MYO1E: variants seen among roughly 807,000 people sequenced by gnomAD.
The protein encoded by MYO1E is myosin IE.
In MYO1E, 68 loss-of-function variants were observed where a neutral mutation model predicts 151.1. That is an observed-to-expected ratio of 0.45 (90% CI 0.37 to 0.55). The LOEUF (loss-of-function observed/expected upper bound fraction) is 0.55, where lower values mean the gene tolerates loss of function less well. Among genes scored for constraint, MYO1E ranks in the 20% least tolerant of loss-of-function variants. The pLI is 0.00. For missense variants in MYO1E, 1,363 were observed against 1,389.3 expected (o/e 0.98, Z 0.30); for synonymous variants, 601 against 501.7 (o/e 1.20, Z -2.64).
intron 1 of MYO1E, among the ~76,000 whole-genome samples, chr15:59,289,580 T>C (rs184961110): frequency 2.0e-4 from 30 of 152,316 alleles, no homozygotes; most frequent in African/African-American, 6.3e-4. Flanking sequence ...TGTCTGCTTA[T>C]GGGAAGAAAG....
chr15:59,212,238 G>A (rs1344881722), intron 12 of MYO1E, among the ~76,000 whole-genome samples: 13 of 152,108 alleles, frequency 8.5e-5, no homozygotes. Context: ...GACTACTGCA[G>A]GAGACTGGGC....
Position 59,207,299 on chromosome 15 carries a change from T to C in MYO1E, c.1530+1382A>G, listed in dbSNP as rs749680261. 6.2e-6 allele frequency: 10 copies of C among 1,614,158 alleles called. No individual in the cohort carries two copies. In the East Asian group the frequency reaches 2.2e-4, roughly 36 times the overall value. On this transcript the variant is annotated intron_variant, in intron 14 of 27. Transcript: ENST00000288235. ...ATGGATCTTCAACATGGCAGCCCTTTCACGAAAATGCCAAATATTGTTTGT... is the reference window on the plus strand; with the variant it reads ...ATGGATCTTCAACATGGCAGCCCTTCCACGAAAATGCCAAATATTGTTTGT...
intron 1 of MYO1E, among the ~76,000 whole-genome samples, chr15:59,282,354 C>T (rs2080357649): frequency 6.6e-6 from 1 of 152,200 alleles, no homozygotes; most frequent in Non-Finnish European, 1.5e-5. Context: ...CTCCCAGCCA[C>T]AGGTGGGACA....
intron 1 of MYO1E, among the ~76,000 whole-genome samples, chr15:59,316,999 T>C (rs774717271): frequency 7.2e-5 from 11 of 152,186 alleles, no homozygotes; most frequent in Non-Finnish European, 1.6e-4. Context: ...AGGAATAATC[T>C]AGAGTATTAA....
At chr15:59,158,149 T>C (rs1403700435) in intron 25 of MYO1E, 138 bp downstream of exon 25, 30 of 788,350 alleles carry the variant, frequency 3.8e-5, no homozygotes, top group Non-Finnish European at 3.3e-5. Flanking sequence ...GCTGCTGTGT[T>C]GTACATGTGG....
rs531840297 is a variant in MYO1E, at chr15:59,220,643, T to C, written c.910+2416A>G. The stretch of plus-strand genomic sequence containing the variant: ...CACTTCCCTCTACAAATTTATTCCA[T>C]AGATATACTAAAATATGAGAAAGAT... On this transcript the variant is annotated intron_variant, in intron 9 of 27. Transcript: ENST00000288235. Among the ~76,000 whole-genome samples, 12 of 152,166 alleles carry C rather than the reference T, an allele frequency of 7.9e-5. 1 individual carries two copies. The East Asian group carries it at 2.3e-3, about 29-fold the overall frequency.
At chr15:59,300,594 C>A (rs764737819) in intron 1 of MYO1E, among the ~76,000 whole-genome samples, 2 of 152,134 alleles carry the variant, frequency 1.3e-5, no homozygotes, top group African/African-American at 4.8e-5. Context: ...TGGAAGTGGG[C>A]CACATGTTGT....
At chr15:59,158,170 G>T in intron 25 of MYO1E, 117 bp downstream of exon 25, 1 of 918,496 alleles carries the variant, frequency 1.1e-6, no homozygotes, top group African/African-American at 1.6e-5. Context: ...CACTGAAATG[G>T]TCCATGCCTG....
chr15:59,315,372 G>A (rs546499287), intron 1 of MYO1E, among the ~76,000 whole-genome samples: 1 of 152,158 alleles, frequency 6.6e-6, no homozygotes, highest in South Asian at 2.1e-4. Context: ...ACTGGAAGGG[G>A]TCTTACGAAA....
chr15:59,261,559 T>C, intron 2 of MYO1E, 50 bp from the exon 3 acceptor site: 1 of 1,240,618 alleles, frequency 8.1e-7, no homozygotes, highest in Non-Finnish European at 1.2e-6. Flanking sequence ...AGCTACACAT[T>C]TTTCAAATTA....
At chr15:59,191,371 A>AGAGAGG (rs1410185081) in intron 17 of MYO1E, among the ~76,000 whole-genome samples, 2 of 135,822 alleles carry the variant, frequency 1.5e-5, no homozygotes, top group Non-Finnish European at 3.3e-5. Context: ...AGAGAGAGAA[A>AGAGAGG]GAAATGTCAT....
chr15:59,278,157 G>A (rs866157753), intron 1 of MYO1E, among the ~76,000 whole-genome samples: 2 of 152,214 alleles, frequency 1.3e-5, no homozygotes. Flanking sequence ...ATTGGAAGAC[G>A]CTGTGTGGAC....
Position 59,137,196 on chromosome 15 carries a change from T to C in MYO1E, c.*184A>G, listed in dbSNP as rs1451003170. On this transcript the variant is annotated 3_prime_UTR_variant, in exon 28 of 28. Coordinates refer to ENST00000288235, the MANE Select transcript of MYO1E (RefSeq NM_004998.4). ...AGAGGCTACCTTTTAGGATCACTTA[T>C]GGAGTGATACTCCCTGTCCCCAACC... is the stretch of plus-strand genomic sequence containing the variant. 7.8e-6 allele frequency: 5 copies of C among 640,626 alleles called. No individual in the cohort carries two copies. The highest frequency in any genetic ancestry group is 5.5e-5 in the East Asian group (2 of 36,396). 39.7% of individuals were successfully genotyped at this position (640,626 alleles called of 1,614,324 possible). A position where few individuals can be genotyped will look rare whatever the true frequency, so the allele number is the denominator to read the frequency against.
chr15:59,255,289 A>G (rs1293648952), intron 4 of MYO1E, among the ~76,000 whole-genome samples: 1 of 151,256 alleles, frequency 6.6e-6, no homozygotes, highest in African/African-American at 2.4e-5. Flanking sequence ...GCTAATTTTT[A>G]TATTTTTTTG....
intron 1 of MYO1E, among the ~76,000 whole-genome samples, chr15:59,299,474 T>A (rs1412154907): frequency 6.6e-6 from 1 of 152,218 alleles, no homozygotes; most frequent in Non-Finnish European, 1.5e-5. Flanking sequence ...TCAACAAAAC[T>A]TATGTTAGGC....
chr15:59,254,450 CA>C (rs1170851751), intron 4 of MYO1E, among the ~76,000 whole-genome samples: 2 of 152,152 alleles, frequency 1.3e-5, no homozygotes, highest in Non-Finnish European at 2.9e-5. Flanking sequence ...CCTGGCTTCC[CA>C]AAGTGCTAGT....
intron 16 of MYO1E, among the ~76,000 whole-genome samples, chr15:59,202,050 G>T (rs889594161): frequency 6.6e-6 from 1 of 152,310 alleles, no homozygotes; most frequent in South Asian, 2.1e-4. Flanking sequence ...TCCAGGTTCT[G>T]TTTAAAGCCA....
intron 1 of MYO1E, among the ~76,000 whole-genome samples, chr15:59,338,337 A>G (rs1484271173): frequency 6.8e-6 from 1 of 148,064 alleles, no homozygotes; most frequent in Non-Finnish European, 1.5e-5. Context: ...TCCACAGCAC[A>G]TAGTACGTTC....
In MYO1E at chr15:59,193,752, T is replaced by C. The variant is rs750819207; in HGVS notation, c.1805+1709A>G. On this transcript the variant is annotated intron_variant, in intron 17 of 27. Coordinates refer to ENST00000288235, the MANE Select transcript of MYO1E (RefSeq NM_004998.4). Reference sequence around the variant, plus strand: ...ACTGTACAGCCTCCTAAAGTAAGAATTGACCAAAGAAGAGCTGGTCACCTT... The same window carrying C: ...ACTGTACAGCCTCCTAAAGTAAGAACTGACCAAAGAAGAGCTGGTCACCTT... Among the ~76,000 whole-genome samples, 16 of 152,296 alleles carry C rather than the reference T, an allele frequency of 1.1e-4. No homozygotes were observed. The South Asian group carries it at 1.7e-3, about 16-fold the overall frequency.
Sources: allele counts gnomAD v4.1 joint callset (sites outside exome capture counted in the v4.1 genomes callset), GRCh38; gene constraint gnomAD v4.1.1; transcripts MANE v1.5; gene names NCBI Gene and HGNC (gene_info 2026-07-23, HGNC 2026-07-21).